HS3ST5: variants seen among roughly 807,000 people sequenced by gnomAD.
HS3ST5 encodes the protein heparan sulfate-glucosamine 3-sulfotransferase 5.
HS3ST5 carries 10 observed loss-of-function variants against 25.4 expected under a neutral mutation model. That is an observed-to-expected ratio of 0.39 (90% confidence interval 0.24 to 0.67). The LOEUF is 0.67. HS3ST5 is among the 30% of genes least tolerant of loss of function. HS3ST5 has a pLI of 0.44. For missense variants in HS3ST5, 324 were observed against 420.7 expected, an observed-to-expected ratio of 0.77 and a Z score of 2.01; for synonymous variants, 170 against 162.4, an observed-to-expected ratio of 1.05 and a Z score of -0.36.
chr6:114,108,175 A>G (rs1444916531), intron 3 of HS3ST5, among the ~76,000 whole-genome samples: 1 of 152,208 alleles, frequency 6.6e-6, no homozygotes, highest in East Asian at 1.9e-4. Flanking sequence ...ATTACTAACT[A>G]TAACAAGGGA....
At chr6:114,074,599 C>T (rs879433734) in intron 3 of HS3ST5, among the ~76,000 whole-genome samples, 5 of 152,130 alleles carry the variant, frequency 3.3e-5, no homozygotes, top group African/African-American at 1.2e-4. Flanking sequence ...AATTCTGAGA[C>T]CCCTGTGATC....
chr6:114,305,520 T>C (rs2114823697), intron 1 of HS3ST5, among the ~76,000 whole-genome samples: 1 of 152,228 alleles, frequency 6.6e-6, no homozygotes, highest in South Asian at 2.1e-4. Context: ...AGGACCCACA[T>C]GAACTTTTCC....
chr6:114,288,888 C>T (rs187792228), intron 1 of HS3ST5, among the ~76,000 whole-genome samples: 115 of 152,156 alleles, frequency 7.6e-4, no homozygotes, highest in African/African-American at 2.7e-3. Flanking sequence ...CTGCTAAGTA[C>T]TCATCTCTGC....
At chr6:114,298,370 CA>C (rs1774919068) in intron 1 of HS3ST5, among the ~76,000 whole-genome samples, 1 of 152,174 alleles carries the variant, frequency 6.6e-6, no homozygotes, top group Non-Finnish European at 1.5e-5. Context: ...TTCTGTAACA[CA>C]AAACAATAAC....
intron 3 of HS3ST5, among the ~76,000 whole-genome samples, chr6:114,085,025 T>C (rs1774721276): frequency 1.3e-5 from 2 of 151,930 alleles, no homozygotes; most frequent in Admixed American, 6.6e-5. Context: ...AGAGACAGGG[T>C]TTCACCATGT....
intron 2 of HS3ST5, among the ~76,000 whole-genome samples, chr6:114,214,949 G>T (rs1348810026): frequency 6.6e-6 from 1 of 152,112 alleles, no homozygotes; most frequent in Non-Finnish European, 1.5e-5. Context: ...TGCACAGACT[G>T]CTGAGATAGA....
rs866390354 is a variant in HS3ST5, at chr6:114,105,886, T to G, written c.-32-43009A>C. ...GAACTACCTTAGATCAAATTAACAT[T>G]GCATATGATACAAGTTTATGAAATA... is the stretch of plus-strand genomic sequence containing the variant. On this transcript the variant is annotated intron_variant, in intron 3 of 4. Coordinates refer to ENST00000312719, the MANE Select transcript of HS3ST5 (RefSeq NM_153612.4). Among the ~76,000 whole-genome samples, 5 of 152,292 alleles carry G rather than the reference T, an allele frequency of 3.3e-5. No individual in the cohort carries two copies. In the South Asian group the frequency reaches 1.0e-3, roughly 32 times the overall value.
intron 3 of HS3ST5, among the ~76,000 whole-genome samples, chr6:114,105,406 G>A (rs117920299): frequency 0.011 from 1,637 of 152,150 alleles, 14 homozygotes; most frequent in Non-Finnish European, 0.018. Context: ...TTAGTTAATC[G>A]GTGCTGTTTT....
At chr6:114,332,687 T>C (rs974641955) in intron 1 of HS3ST5, among the ~76,000 whole-genome samples, 1 of 152,000 alleles carries the variant, frequency 6.6e-6, no homozygotes, top group African/African-American at 2.4e-5. Context: ...ATTAACTCAA[T>C]AGAGTATGAT....
At chr6:114,155,706 TA>T (rs936797182) in intron 3 of HS3ST5, among the ~76,000 whole-genome samples, 2 of 152,250 alleles carry the variant, frequency 1.3e-5, no homozygotes, top group Non-Finnish European at 2.9e-5. Context: ...GTATATTTTT[TA>T]ATGGAAAATT....
chr6:114,293,200 G>A (rs1345378527), intron 1 of HS3ST5, among the ~76,000 whole-genome samples: 1 of 151,958 alleles, frequency 6.6e-6, no homozygotes, highest in African/African-American at 2.4e-5. Context: ...GGGGAGAGAG[G>A]GAATGTCAGG....
At chr6:114,331,524 A>C (rs931062437) in intron 1 of HS3ST5, among the ~76,000 whole-genome samples, 2 of 152,168 alleles carry the variant, frequency 1.3e-5, no homozygotes, top group African/African-American at 4.8e-5. Context: ...AGTCACCTAA[A>C]ATGGTCTAGT....
At chr6:114,208,864 AT>A (rs1342251950) in intron 2 of HS3ST5, among the ~76,000 whole-genome samples, 2 of 152,136 alleles carry the variant, frequency 1.3e-5, no homozygotes, top group Non-Finnish European at 2.9e-5. Flanking sequence ...TGATGCAGCT[AT>A]TTTAAAGTTT....
At chr6:114,264,943 G>T (rs180865908) in intron 1 of HS3ST5, among the ~76,000 whole-genome samples, 1 of 152,146 alleles carries the variant, frequency 6.6e-6, no homozygotes, top group Non-Finnish European at 1.5e-5. Flanking sequence ...GCGGTGACAC[G>T]ATCATAGCTC....
At chr6:114,207,392 A>G (rs2114409238) in intron 2 of HS3ST5, among the ~76,000 whole-genome samples, 1 of 152,318 alleles carries the variant, frequency 6.6e-6, no homozygotes, top group African/African-American at 2.4e-5. Flanking sequence ...CATTGTAGAG[A>G]AAAAGTACCA....
At position 114,057,841 on chromosome 6, in the gene HS3ST5, T is replaced by C. The variant is rs1186717799; in HGVS notation, c.457A>G (p.Ile153Val). The change falls in exon 5 of 5, where the codon ATT becomes GTT. Residue 153 changes from isoleucine (I) to valine (V), a missense_variant. By Grantham distance (29) the Ile-to-Val change is conservative. This residue lies in a region of HS3ST5 where 203 missense variants were observed against 303.4 expected (regional missense o/e 0.67). Transcript: ENST00000312719. Reference protein sequence around the residue: ...MPFSYPQQITIEKSPAYFITE... With the variant: ...MPFSYPQQITVEKSPAYFITE... ...ATAAAATATGCTGGGCTCTTTTCAA[T>C]TGTGATTTGCTGAGGGTAGGAAAAA... 1.2e-6 allele frequency: 2 copies of C among 1,614,054 alleles called. No homozygotes were observed. Among genetic ancestry groups the C allele is most frequent in the Non-Finnish European group, 1.7e-6 (2 of 1,180,034 alleles).
rs185909095 is a variant in HS3ST5 at position 114,107,337 on chromosome 6, C to T, written c.-32-44460G>A. Among the ~76,000 whole-genome samples, 34 of 152,232 alleles carry T rather than the reference C, an allele frequency of 2.2e-4. No individual in the cohort carries two copies. In the East Asian group the frequency reaches 2.9e-3, roughly 13 times the overall value. On this transcript the variant is annotated intron_variant, in intron 3 of 4. Transcript: ENST00000312719. The stretch of plus-strand genomic sequence containing the variant: ...TAAAAAAGCATCTGAGAAAATCCAA[C>T]GTCCATTTCTGATGAAAACTCTCAG...
intron 3 of HS3ST5, among the ~76,000 whole-genome samples, chr6:114,084,017 G>T (rs1241183444): frequency 6.6e-6 from 1 of 150,662 alleles, no homozygotes; most frequent in Non-Finnish European, 1.5e-5. Context: ...TTACTTTGCA[G>T]AATCTTATAT....
intron 1 of HS3ST5, among the ~76,000 whole-genome samples, chr6:114,338,369 T>C (rs1467089225): frequency 6.6e-6 from 1 of 151,540 alleles, no homozygotes; most frequent in Non-Finnish European, 1.5e-5. Flanking sequence ...ATAAATAAAA[T>C]TTACCTCCCC....
Sources: gnomAD v4.1 joint callset for allele counts (sites outside exome capture counted in the v4.1 genomes callset) on GRCh38, gnomAD v4.1.1 for gene constraint, gnomAD v4.1.1 regional missense constraint, MANE v1.5 for transcripts, NCBI Gene and HGNC (gene_info 2026-07-23, HGNC 2026-07-21) for gene names.